CNBD1: variants seen among roughly 807,000 people sequenced by gnomAD.
The protein encoded by CNBD1 is cyclic nucleotide-binding domain-containing protein 1.
CNBD1 carries 71 observed loss-of-function variants against 54.4 expected under a neutral mutation model. The ratio of observed to expected loss-of-function variants is 1.30; its 90% CI spans 1.08 to 1.59. The LOEUF (loss-of-function observed/expected upper bound fraction) is 1.59, where lower values mean the gene tolerates loss of function less well. Ranked by LOEUF, CNBD1 falls within the 40% of genes most tolerant of loss-of-function variation. The pLI is 0.00. For missense variants in CNBD1, 659 were observed against 518.0 expected, an observed-to-expected ratio of 1.27 and a Z score of -2.64; for synonymous variants, 182 against 170.7, an observed-to-expected ratio of 1.07 and a Z score of -0.51.
At chr8:87,406,834 A>G (rs1371035981) in intron 2 of CNBD1, among the ~76,000 whole-genome samples, 1 of 152,096 alleles carries the variant, frequency 6.6e-6, no homozygotes, top group Non-Finnish European at 1.5e-5. Flanking sequence ...ATGGCTGCCC[A>G]TAGCCCACAG....
intron 8 of CNBD1, among the ~76,000 whole-genome samples, chr8:87,318,442 C>G (rs1410754402): frequency 2.6e-5 from 4 of 152,046 alleles, no homozygotes; most frequent in Non-Finnish European, 5.9e-5. Context: ...CTAATTTTCC[C>G]CACTGCTGAG....
intron 4 of CNBD1, among the ~76,000 whole-genome samples, chr8:87,036,033 T>C (rs1042895257): frequency 6.6e-6 from 1 of 152,060 alleles, no homozygotes; most frequent in East Asian, 1.9e-4. Flanking sequence ...GCAAGAGAAG[T>C]AGGGAAACGC....
chr8:87,298,448 T>C (rs888362185), intron 8 of CNBD1, among the ~76,000 whole-genome samples: 3 of 151,924 alleles, frequency 2.0e-5, no homozygotes, highest in Non-Finnish European at 2.9e-5. Flanking sequence ...TAAATGGATA[T>C]TCCTTTAGCT....
At chr8:86,908,553 A>G (rs181663438) in intron 3 of CNBD1, among the ~76,000 whole-genome samples, 1 of 152,270 alleles carries the variant, frequency 6.6e-6, no homozygotes, top group East Asian at 1.9e-4. Flanking sequence ...AAATTGTGCT[A>G]GTTTTCATTA....
intron 6 of CNBD1, among the ~76,000 whole-genome samples, chr8:87,259,617 A>G (rs1352173668): frequency 1.3e-5 from 2 of 152,190 alleles, no homozygotes; most frequent in Non-Finnish European, 2.9e-5. Flanking sequence ...AACATTACAT[A>G]CACAACACAT....
Position 87,304,277 on chromosome 8 carries a change from G to A in CNBD1, c.1042+17606G>A, listed in dbSNP as rs191039572. Among the ~76,000 whole-genome samples, 433 of 151,642 alleles carry A rather than the reference G, an allele frequency of 2.9e-3. 1 individual carries two copies. Among genetic ancestry groups the A allele is most frequent in the Middle Eastern group, 6.8e-3 (2 of 294 alleles). ...ATAGACTGGATTAAGAAAATGTGGC[G>A]CATATACACCATGGAATACTATGCA... On this transcript the variant is annotated intron_variant, in intron 8 of 10. Coordinates refer to ENST00000518476, the MANE Select transcript of CNBD1 (RefSeq NM_173538.3).
intron 7 of CNBD1, among the ~76,000 whole-genome samples, chr8:87,285,465 C>T (rs75830608): frequency 4.6e-5 from 7 of 152,182 alleles, no homozygotes; most frequent in South Asian, 4.1e-4. Flanking sequence ...AGGCTAGGGG[C>T]GGTGGCTCAT....
chr8:87,423,105 G>A, intron 2 of CNBD1, among the ~76,000 whole-genome samples: 1 of 152,042 alleles, frequency 6.6e-6, no homozygotes, highest in African/African-American at 2.4e-5. Context: ...GAATGCTTGT[G>A]ATTTTTGCAC....
chr8:87,238,706 T>C (rs1807631601), intron 6 of CNBD1, among the ~76,000 whole-genome samples: 1 of 151,908 alleles, frequency 6.6e-6, no homozygotes, highest in Non-Finnish European at 1.5e-5. Context: ...CTACCAATTA[T>C]CTACCTACCT....
chr8:87,039,718 A>C (rs1462115600), intron 4 of CNBD1, among the ~76,000 whole-genome samples: 1 of 152,132 alleles, frequency 6.6e-6, no homozygotes, highest in East Asian at 1.9e-4. Flanking sequence ...AGTCTCCTCG[A>C]GAATTTGGGG....
At chr8:87,370,544 C>A (rs1478402742) in intron 10 of CNBD1, among the ~76,000 whole-genome samples, 1 of 152,116 alleles carries the variant, frequency 6.6e-6, no homozygotes, top group Non-Finnish European at 1.5e-5. Context: ...AGTGTCTGTT[C>A]ATGTCCTTTG....
chr8:86,870,388 G>A (rs894377415), intron 1 of CNBD1, among the ~76,000 whole-genome samples: 4 of 151,504 alleles, frequency 2.6e-5, no homozygotes, highest in Admixed American at 6.6e-5. Flanking sequence ...TAGTAGAGAC[G>A]GGCTTTCACC....
At chr8:87,190,887 G>GGTACATGTACC (rs1563501596) in intron 4 of CNBD1, among the ~76,000 whole-genome samples, 1 of 124,904 alleles carries the variant, frequency 8.0e-6, no homozygotes, top group Non-Finnish European at 1.7e-5. Flanking sequence ...ATACATGTAC[G>GGTACATGTACC]TATATCTATT....
intron 4 of CNBD1, among the ~76,000 whole-genome samples, chr8:87,120,611 G>T (rs982538889): frequency 2.6e-5 from 4 of 151,808 alleles, no homozygotes; most frequent in Non-Finnish European, 5.9e-5. Context: ...GGTTTGGTTT[G>T]TTCTTGCTTT....
At chr8:87,366,236 TAAGTGTTGGCC>T (rs1355823671) in intron 10 of CNBD1, among the ~76,000 whole-genome samples, 1 of 152,088 alleles carries the variant, frequency 6.6e-6, no homozygotes, top group African/African-American at 2.4e-5. Flanking sequence ...GGCTAAAATC[TAAGTGTTGGCC>T]AAGCTGTGAT....
chr8:87,253,378 T>G (rs1432649396), intron 6 of CNBD1, among the ~76,000 whole-genome samples: 1 of 152,160 alleles, frequency 6.6e-6, no homozygotes. Flanking sequence ...AATTGCTGGC[T>G]GAATCTAAGT....
In CNBD1 at chr8:87,427,429, G is replaced by A. The variant is rs377466220; in HGVS notation, c.214-1117G>A. On this transcript the variant is annotated intron_variant, in intron 2 of 7. Coordinates refer to the CNBD1 transcript ENST00000521593. ...TATAAGATGGGCTAATAGGTTTACC[G>A]ATATGTAGTCTGGCTTAAAACTGAC... Among the ~76,000 whole-genome samples, 23 of 152,150 alleles carry A rather than the reference G, an allele frequency of 1.5e-4. No homozygotes were observed. In the South Asian group the frequency reaches 4.6e-3, roughly 30 times the overall value.
chr8:87,168,046 T>C (rs72665046), intron 4 of CNBD1, among the ~76,000 whole-genome samples: 5,785 of 152,078 alleles, frequency 0.038, 146 homozygotes, highest in Non-Finnish European at 0.056. Flanking sequence ...CAGTAAAATA[T>C]GGTATTATAA....
At chr8:86,978,730 A>T (rs991950738) in intron 4 of CNBD1, among the ~76,000 whole-genome samples, 1 of 151,702 alleles carries the variant, frequency 6.6e-6, no homozygotes, top group African/African-American at 2.4e-5. Flanking sequence ...TTTAGTAGAG[A>T]TGGGGTTTCT....
Sources: gnomAD v4.1 joint callset for allele counts (sites outside exome capture counted in the v4.1 genomes callset) on GRCh38, gnomAD v4.1.1 for gene constraint, MANE v1.5 for transcripts, NCBI Gene and HGNC (gene_info 2026-07-23, HGNC 2026-07-21) for gene names.